Variants in SPMIP1 observed in about 807,000 individuals in gnomAD.
SPMIP1 encodes sperm microtubule inner protein 1.
the SPMIP1 span, chr7:128,868,678 A>G: frequency 3.3e-6 from 5 of 1,535,100 alleles, no homozygotes; most frequent in East Asian, 1.2e-4. Context: ...CCCCCAGTGA[A>G]GCAAGAACTG....
the SPMIP1 span, chr7:128,866,956 T>C: frequency 7.4e-6 from 7 of 948,342 alleles, no homozygotes; most frequent in South Asian, 1.0e-4. Flanking sequence ...TGTCGACACG[T>C]TCCACAGAAC....
the SPMIP1 span, among the ~76,000 whole-genome samples, chr7:128,868,439 G>C: frequency 7.9e-5 from 12 of 152,018 alleles, no homozygotes; most frequent in Admixed American, 7.9e-4. Flanking sequence ...GCAGGTAGAG[G>C]ATCCTGAAGC....
the SPMIP1 span, among the ~76,000 whole-genome samples, chr7:128,868,127 A>G: frequency 1.8e-4 from 28 of 152,168 alleles, no homozygotes; most frequent in African/African-American, 6.5e-4. Flanking sequence ...CTGCTGGGCG[A>G]TGTTGCTGCA....
chr7:128,867,887 C>T, the SPMIP1 span, among the ~76,000 whole-genome samples: 2 of 152,174 alleles, frequency 1.3e-5, no homozygotes, highest in African/African-American at 4.8e-5. Flanking sequence ...TATTTAAATC[C>T]ATGAGATCTC....
chr7:128,870,537 G>A, the SPMIP1 span: 1 of 152,174 alleles, frequency 6.6e-6, no homozygotes, highest in Non-Finnish European at 1.5e-5. Flanking sequence ...TCAGACTCAG[G>A]GGTGTCCATC....
the SPMIP1 span, chr7:128,868,764 C>CTGGCCCT: frequency 6.5e-7 from 1 of 1,534,464 alleles, no homozygotes; most frequent in Non-Finnish European, 8.7e-7. Flanking sequence ...TCCCCGAGAC[C>CTGGCCCT]TGGCCCTCTG....
the SPMIP1 span, chr7:128,868,758 C>T: frequency 2.0e-5 from 31 of 1,534,920 alleles, no homozygotes; most frequent in Non-Finnish European, 2.5e-5. Context: ...GCTTGATCCC[C>T]GAGACCTGGC....
the SPMIP1 span, chr7:128,871,797 T>C: frequency 1.3e-5 from 2 of 152,218 alleles, no homozygotes; most frequent in East Asian, 1.9e-4. Context: ...CCTTTAGAAA[T>C]AATTGCCACA....
chr7:128,868,687 T>C, the SPMIP1 span: 3 of 1,535,448 alleles, frequency 2.0e-6, no homozygotes, highest in African/African-American at 2.7e-5. Context: ...AAGCAAGAAC[T>C]GGTCTCCTGC....
chr7:128,867,362 A>T, the SPMIP1 span, among the ~76,000 whole-genome samples: 1 of 152,200 alleles, frequency 6.6e-6, no homozygotes, highest in African/African-American at 2.4e-5. Flanking sequence ...AAGAGAGATC[A>T]ATCACCCAGG....
At chr7:128,867,229 C>T in the SPMIP1 span, among the ~76,000 whole-genome samples, 2 of 152,074 alleles carry the variant, frequency 1.3e-5, no homozygotes, top group African/African-American at 4.8e-5. Flanking sequence ...ATGAGTTGGG[C>T]ATCTGTTTGG....
At chr7:128,866,429 T>TA in the SPMIP1 span, 1 of 1,530,452 alleles carries the variant, frequency 6.5e-7, no homozygotes, top group Non-Finnish European at 8.7e-7. Flanking sequence ...CAGCTCAACA[T>TA]AGACGCGTTA....
At chr7:128,866,350 T>G in the SPMIP1 span, 1 of 1,358,440 alleles carries the variant, frequency 7.4e-7, no homozygotes, top group Non-Finnish European at 9.9e-7. Flanking sequence ...AGAAGCACTC[T>G]GCTTGCTGTG....
chr7:128,868,707 C>T, the SPMIP1 span: 23 of 1,535,822 alleles, frequency 1.5e-5, no homozygotes, highest in Non-Finnish European at 1.9e-5. Flanking sequence ...CAAGATGTGC[C>T]GCATTGAGTC....
the SPMIP1 span, chr7:128,866,961 C>G: frequency 2.2e-6 from 2 of 920,160 alleles, no homozygotes; most frequent in Non-Finnish European, 3.2e-6. Context: ...ACACGTTCCA[C>G]AGAACTAGGG....
At chr7:128,869,649 G>A in the SPMIP1 span, 1 of 152,246 alleles carries the variant, frequency 6.6e-6, no homozygotes, top group Non-Finnish European at 1.5e-5. Context: ...TCACGGTCCC[G>A]CCGGCGGCGC....
the SPMIP1 span, among the ~76,000 whole-genome samples, chr7:128,867,791 CG>C: frequency 6.6e-6 from 1 of 152,104 alleles, no homozygotes; most frequent in Admixed American, 6.5e-5. Context: ...AGGCTGGTCT[CG>C]AACTGCTGAC....
the SPMIP1 span, among the ~76,000 whole-genome samples, chr7:128,867,689 A>G: frequency 1.3e-5 from 2 of 152,034 alleles, no homozygotes; most frequent in Non-Finnish European, 2.9e-5. Context: ...CTTCTGCCTC[A>G]GCCTCCCGAG....
At chr7:128,868,393 C>T in the SPMIP1 span, among the ~76,000 whole-genome samples, 1 of 152,236 alleles carries the variant, frequency 6.6e-6, no homozygotes, top group Non-Finnish European at 1.5e-5. Context: ...CACAGTCTGT[C>T]CCTGTGACAA....
Sources: allele counts gnomAD v4.1 joint callset (sites outside exome capture counted in the v4.1 genomes callset), GRCh38; gene constraint gnomAD v4.1.1; transcripts MANE v1.5; gene names NCBI Gene and HGNC (gene_info 2026-07-23, HGNC 2026-07-21).